The following FMN2 variants were observed in gnomAD, a reference collection of about 807,000 sequenced individuals.
The protein encoded by FMN2 is formin-2.
Under a neutral mutation model 142.3 loss-of-function variants are expected in FMN2, and 51 were observed. That is an observed-to-expected ratio of 0.36 (90% CI 0.29 to 0.45). FMN2 has a LOEUF of 0.45. Ranked by LOEUF, FMN2 falls within the 20% of genes least tolerant of loss-of-function variation. FMN2 has a pLI of 1.00. For synonymous variants in FMN2, 882 were observed against 869.8 expected, an observed-to-expected ratio of 1.01 and a Z score of -0.25; for missense variants, 1,936 against 2,122.8, an observed-to-expected ratio of 0.91 and a Z score of 1.73.
intron 14 of FMN2, among the ~76,000 whole-genome samples, chr1:240,366,625 C>T (rs1339748321): frequency 1.3e-5 from 2 of 151,740 alleles, no homozygotes; most frequent in African/African-American, 2.4e-5. Context: ...CCGCAACCTC[C>T]GCCTCTGTTT....
At chr1:240,175,555 C>T (rs1374742448) in intron 2 of FMN2, among the ~76,000 whole-genome samples, 3 of 151,996 alleles carry the variant, frequency 2.0e-5, no homozygotes, top group Non-Finnish European at 4.4e-5. Context: ...AGTGTAGTGG[C>T]GTGATCATGG....
At chr1:240,324,557 T>C (rs534144895) in intron 8 of FMN2, among the ~76,000 whole-genome samples, 310 of 151,906 alleles carry the variant, frequency 2.0e-3, no homozygotes, top group Non-Finnish European at 3.7e-3. Context: ...GCTACCTAAG[T>C]GGCTGAGGCA....
chr1:240,236,046 A>G (rs1024504752), intron 6 of FMN2, among the ~76,000 whole-genome samples: 2 of 152,096 alleles, frequency 1.3e-5, no homozygotes, highest in Admixed American at 6.6e-5. Context: ...ATTACCTTGT[A>G]CCCGTTTGGA....
At chr1:240,415,447 A>G (rs1055243288) in intron 15 of FMN2, among the ~76,000 whole-genome samples, 3 of 151,974 alleles carry the variant, frequency 2.0e-5, no homozygotes, top group Non-Finnish European at 4.4e-5. Context: ...TGACCGGTTG[A>G]TGGGTACAGC....
intron 2 of FMN2, among the ~76,000 whole-genome samples, chr1:240,165,169 A>AT (rs1160905839): frequency 6.6e-6 from 1 of 151,978 alleles, no homozygotes; most frequent in Non-Finnish European, 1.5e-5. Context: ...ATCTGTTGGC[A>AT]TTTTTTCTTT....
chr1:240,460,968 C>A (rs185328601), intron 16 of FMN2, among the ~76,000 whole-genome samples: 1 of 152,064 alleles, frequency 6.6e-6, no homozygotes, highest in South Asian at 2.1e-4. Flanking sequence ...TTTCAACAAG[C>A]CTTTCAGGTG....
chr1:240,144,081 G>T (rs1663320389), intron 2 of FMN2: 1 of 1,087,958 alleles, frequency 9.2e-7, no homozygotes, highest in Non-Finnish European at 1.4e-6. Context: ...AAGGAGTACA[G>T]GTTACTTCTC....
chr1:240,259,616 G>A (rs905149838), intron 7 of FMN2, among the ~76,000 whole-genome samples: 4 of 151,258 alleles, frequency 2.6e-5, no homozygotes, highest in Non-Finnish European at 5.9e-5. Flanking sequence ...TGTGTGAATC[G>A]CTTGTGTCCT....
intron 14 of FMN2, among the ~76,000 whole-genome samples, chr1:240,387,586 A>T (rs1320102480): frequency 6.6e-6 from 1 of 152,222 alleles, no homozygotes; most frequent in Non-Finnish European, 1.5e-5. Context: ...TAGAAATAAA[A>T]TCTATTAAAT....
intron 15 of FMN2, among the ~76,000 whole-genome samples, chr1:240,419,971 A>G (rs1461272919): frequency 6.6e-6 from 1 of 152,118 alleles, no homozygotes; most frequent in East Asian, 1.9e-4. Flanking sequence ...CAATCCGCTG[A>G]GAGTCAGGCC....
chr1:240,215,230 A>G (rs1666851132), intron 6 of FMN2, among the ~76,000 whole-genome samples: 1 of 152,244 alleles, frequency 6.6e-6, no homozygotes, highest in Non-Finnish European at 1.5e-5. Context: ...AATAGTAGTA[A>G]TTATTACAGC....
At chr1:240,341,958 A>G (rs1671759434) in intron 13 of FMN2, among the ~76,000 whole-genome samples, 1 of 152,150 alleles carries the variant, frequency 6.6e-6, no homozygotes, top group African/African-American at 2.4e-5. Flanking sequence ...TCCTCTTTGC[A>G]TGAGTTTGGG....
intron 8 of FMN2, among the ~76,000 whole-genome samples, chr1:240,307,899 T>C (rs1670469255): frequency 6.6e-6 from 1 of 152,228 alleles, no homozygotes; most frequent in Non-Finnish European, 1.5e-5. Context: ...TTGTGTCGTC[T>C]ATGATTTCTT....
intron 15 of FMN2, among the ~76,000 whole-genome samples, chr1:240,426,506 T>C (rs1257048237): frequency 2.6e-5 from 4 of 152,138 alleles, no homozygotes; most frequent in Non-Finnish European, 5.9e-5. Flanking sequence ...TTTAAAAATA[T>C]TACTCTATTA....
intron 6 of FMN2, among the ~76,000 whole-genome samples, chr1:240,218,047 G>T (rs1558373397): frequency 6.6e-6 from 1 of 152,070 alleles, no homozygotes; most frequent in Non-Finnish European, 1.5e-5. Flanking sequence ...CACTTTGGGA[G>T]GCCTAGGTGG....
At chr1:240,233,840 C>T (rs926448110) in intron 6 of FMN2, among the ~76,000 whole-genome samples, 2 of 152,112 alleles carry the variant, frequency 1.3e-5, no homozygotes, top group African/African-American at 2.4e-5. Flanking sequence ...CATTGGCCCC[C>T]TCCCTCCTTA....
At chr1:240,143,548 A>G in intron 2 of FMN2, 1 of 1,599,516 alleles carries the variant, frequency 6.3e-7, no homozygotes, top group African/African-American at 1.3e-5. Context: ...AACGTGGAGC[A>G]GCTGCTGCAC....
At chr1:240,364,421 G>A (rs898710730) in intron 14 of FMN2, among the ~76,000 whole-genome samples, 4 of 151,956 alleles carry the variant, frequency 2.6e-5, no homozygotes, top group South Asian at 2.1e-4. Flanking sequence ...ACATTCATGC[G>A]GACACCGTGA....
chr1:240,430,851 A>G (rs1283790123), intron 15 of FMN2, among the ~76,000 whole-genome samples: 4 of 151,928 alleles, frequency 2.6e-5, no homozygotes, highest in Non-Finnish European at 5.9e-5. Context: ...ATGTAGCTTT[A>G]TAATAACTCT....
Sources: gnomAD v4.1 joint callset for allele counts (sites outside exome capture counted in the v4.1 genomes callset) on GRCh38, gnomAD v4.1.1 for gene constraint, MANE v1.5 for transcripts, NCBI Gene and HGNC (gene_info 2026-07-23, HGNC 2026-07-21) for gene names.